Variants in CSMD1 observed in about 807,000 individuals in gnomAD.
The protein encoded by CSMD1 is CUB and Sushi multiple domains 1.
A neutral mutation model predicts 417.5 loss-of-function variants in CSMD1; 213 were observed. That is an observed-to-expected ratio of 0.51 (90% CI 0.46 to 0.57). The LOEUF is 0.57. CSMD1 is among the 20% of genes least tolerant of loss of function. The pLI, the probability that CSMD1 is intolerant of heterozygous loss-of-function variation, is 0.00. For synonymous variants in CSMD1, 2,862 were observed against 1,736.8 expected, an observed-to-expected ratio of 1.65 and a Z score of -16.11; for missense variants, 6,923 against 4,529.7, an observed-to-expected ratio of 1.53 and a Z score of -15.17.
intron 17 of CSMD1, among the ~76,000 whole-genome samples, chr8:3,391,778 G>A (rs755087236): frequency 3.3e-5 from 5 of 152,164 alleles, no homozygotes; most frequent in Non-Finnish European, 7.3e-5. Context: ...TGTGATTTCT[G>A]CAACACATTT....
intron 7 of CSMD1, 45 bp from the exon 8 acceptor site, chr8:3,616,842 G>C (rs1215459442): frequency 7.4e-7 from 1 of 1,346,928 alleles, no homozygotes; most frequent in South Asian, 1.3e-5. Context: ...TAGTTATTGA[G>C]GAAATACCCA....
chr8:3,478,390 A>G (rs368356290), intron 11 of CSMD1, among the ~76,000 whole-genome samples: 34 of 152,186 alleles, frequency 2.2e-4, no homozygotes, highest in African/African-American at 7.5e-4. Flanking sequence ...CACACTACTT[A>G]AAAGTATATG....
At chr8:3,599,423 A>T (rs1254662903) in intron 8 of CSMD1, among the ~76,000 whole-genome samples, 3 of 151,844 alleles carry the variant, frequency 2.0e-5, no homozygotes, top group Non-Finnish European at 4.4e-5. Context: ...GCACTATTAA[A>T]TACAACACGA....
rs369255257 is a variant in CSMD1, at chr8:4,708,388, C to T, written c.86-70830G>A. 5.3e-5 allele frequency among the ~76,000 whole-genome samples: 8 copies of T among 152,202 alleles called. No individual in the cohort carries two copies. The East Asian group carries it at 1.5e-3, about 29-fold the overall frequency. ...GTCTTGTTCATTATTCTGTTCAGTGCCTAAAACTGAATATGTATCTGGTAA... is the reference window on the plus strand; with the variant it reads ...GTCTTGTTCATTATTCTGTTCAGTGTCTAAAACTGAATATGTATCTGGTAA... On this transcript the variant is annotated intron_variant, in intron 1 of 69. Transcript: ENST00000635120.
At chr8:4,014,083 C>T (rs1053672897) in intron 4 of CSMD1, among the ~76,000 whole-genome samples, 3 of 152,162 alleles carry the variant, frequency 2.0e-5, no homozygotes, top group Non-Finnish European at 4.4e-5. Flanking sequence ...TTTTGAGCAT[C>T]ATTTCAATGC....
At chr8:4,252,540 A>G (rs929308546) in intron 3 of CSMD1, among the ~76,000 whole-genome samples, 1 of 152,206 alleles carries the variant, frequency 6.6e-6, no homozygotes, top group African/African-American at 2.4e-5. Context: ...AATGCTCCTT[A>G]GAATTTGACC....
At chr8:3,112,805 G>A (rs777080950) in intron 42 of CSMD1, among the ~76,000 whole-genome samples, 1 of 152,146 alleles carries the variant, frequency 6.6e-6, no homozygotes, top group Non-Finnish European at 1.5e-5. Flanking sequence ...CATCACATAA[G>A]ATAACAATAT....
chr8:3,515,821 G>C (rs1461597443), intron 10 of CSMD1, among the ~76,000 whole-genome samples: 1 of 152,184 alleles, frequency 6.6e-6, no homozygotes, highest in Non-Finnish European at 1.5e-5. Flanking sequence ...CAATGGAATT[G>C]CCTATTATAC....
chr8:3,006,877 T>A (rs1238462570), intron 52 of CSMD1, among the ~76,000 whole-genome samples: 1 of 141,646 alleles, frequency 7.1e-6, no homozygotes, highest in Non-Finnish European at 1.5e-5. Context: ...AGACTTCATG[T>A]CTAAAACACC....
intron 3 of CSMD1, among the ~76,000 whole-genome samples, chr8:4,315,110 T>C (rs969404874): frequency 5.3e-5 from 8 of 152,228 alleles, no homozygotes; most frequent in Middle Eastern, 6.8e-3. Context: ...CAGGGCTTCT[T>C]ACACCATCGC....
intron 3 of CSMD1, among the ~76,000 whole-genome samples, chr8:4,190,017 G>C (rs942928355): frequency 6.6e-6 from 1 of 151,728 alleles, no homozygotes; most frequent in Non-Finnish European, 1.5e-5. Context: ...CCAGCACTTT[G>C]GGAGGCCAAG....
chr8:4,747,990 A>G (rs1811065276), intron 1 of CSMD1, among the ~76,000 whole-genome samples: 1 of 152,214 alleles, frequency 6.6e-6, no homozygotes. Context: ...GGCTCTGCTG[A>G]TGTATTAGTT....
intron 10 of CSMD1, among the ~76,000 whole-genome samples, chr8:3,548,196 C>G (rs957178810): frequency 1.3e-5 from 2 of 152,136 alleles, no homozygotes; most frequent in Non-Finnish European, 2.9e-5. Flanking sequence ...ATTCCTTTGC[C>G]TTCCTCAAGC....
chr8:3,778,836 C>G (rs760614271), intron 5 of CSMD1, among the ~76,000 whole-genome samples: 1 of 152,130 alleles, frequency 6.6e-6, no homozygotes. Context: ...GTTTATTATT[C>G]CTCATTGAAT....
chr8:4,711,707 A>G (rs1403611806), intron 1 of CSMD1, among the ~76,000 whole-genome samples: 2 of 152,166 alleles, frequency 1.3e-5, no homozygotes, highest in Admixed American at 6.5e-5. Flanking sequence ...GAGTCTAAAA[A>G]CAATTTCAAT....
intron 3 of CSMD1, among the ~76,000 whole-genome samples, chr8:4,113,308 C>T (rs551417231): frequency 5.9e-4 from 87 of 147,886 alleles, no homozygotes; most frequent in African/African-American, 1.9e-3. Context: ...GTGAGAAAGA[C>T]ATGTCAAAAA....
At chr8:4,211,025 A>C (rs1483332035) in intron 3 of CSMD1, among the ~76,000 whole-genome samples, 1 of 152,232 alleles carries the variant, frequency 6.6e-6, no homozygotes, top group Non-Finnish European at 1.5e-5. Flanking sequence ...AAAGTTTCAA[A>C]AATATTTTAA....
intron 5 of CSMD1, among the ~76,000 whole-genome samples, chr8:3,935,943 T>A (rs1389850914): frequency 6.6e-6 from 1 of 152,106 alleles, no homozygotes; most frequent in Non-Finnish European, 1.5e-5. Flanking sequence ...TGAGCCAAGC[T>A]GTGAATGCAA....
chr8:3,644,966 G>GAAAAAAAAAAAAAAAAAAA lies in CSMD1; in HGVS notation c.1010-28188_1010-28170dup, dbSNP rs71203456. On this transcript the variant is annotated intron_variant, in intron 7 of 69. Transcript: ENST00000635120. ...GTTACGGATCACTAAGGCTTTAAAT[G>GAAAAAAAAAAAAAAAAAAA]AAAAAAAAAAAAAAAAAAAAAAAAA... Among the ~76,000 whole-genome samples the GAAAAAAAAAAAAAAAAAAA allele has an allele frequency of 1.1e-4, 7 of 64,520 alleles. 2 individuals are homozygous for GAAAAAAAAAAAAAAAAAAA. Among genetic ancestry groups the GAAAAAAAAAAAAAAAAAAA allele is most frequent in the African/African-American group, 5.6e-4 (7 of 12,498 alleles). The allele number at this position is 64,520 out of a possible 152,430, so 42.3% of individuals were successfully genotyped here. A position where few individuals can be genotyped will look rare whatever the true frequency, so the allele number is the denominator to read the frequency against.
Sources: allele counts gnomAD v4.1 joint callset (sites outside exome capture counted in the v4.1 genomes callset), GRCh38; gene constraint gnomAD v4.1.1; transcripts MANE v1.5; gene names NCBI Gene and HGNC (gene_info 2026-07-23, HGNC 2026-07-21).